LDLRAD3: variants seen among roughly 807,000 people sequenced by gnomAD.
LDLRAD3 encodes low density lipoprotein receptor class A domain containing 3, also known as low-density lipoprotein receptor class A domain-containing protein 3.
LDLRAD3 carries 20 observed loss-of-function variants against 29.4 expected under a neutral mutation model. That is an observed-to-expected ratio of 0.68 (90% CI 0.48 to 0.99). LDLRAD3 has a LOEUF of 0.99. Among genes scored for constraint, LDLRAD3 ranks in the 50% least tolerant of loss-of-function variants. The probability of loss-of-function intolerance (pLI) is 0.00; values close to 1 mark genes in which losing one functional copy is unlikely to be tolerated. For missense variants in LDLRAD3, 420 were observed against 454.3 expected, an observed-to-expected ratio of 0.92 and a Z score of 0.69; for synonymous variants, 157 against 192.7, an observed-to-expected ratio of 0.81 and a Z score of 1.53.
At chr11:36,063,699 G>T (rs1852742811) in intron 2 of LDLRAD3, among the ~76,000 whole-genome samples, 2 of 152,122 alleles carry the variant, frequency 1.3e-5, no homozygotes, top group South Asian at 2.1e-4. Flanking sequence ...TGGCACTCTT[G>T]TCAAAAATCA....
intron 1 of LDLRAD3, among the ~76,000 whole-genome samples, chr11:36,030,350 G>A (rs907886458): frequency 2.0e-5 from 3 of 152,168 alleles, no homozygotes; most frequent in East Asian, 1.9e-4. Context: ...ACCTAGAGTC[G>A]AGGAGGTCTT....
At chr11:36,204,447 T>C (rs1855175857) in intron 4 of LDLRAD3, among the ~76,000 whole-genome samples, 1 of 152,042 alleles carries the variant, frequency 6.6e-6, no homozygotes, top group South Asian at 2.1e-4. Context: ...ACTCGTGCTC[T>C]TCTTTGGCAT....
intron 1 of LDLRAD3, among the ~76,000 whole-genome samples, chr11:36,029,598 G>A (rs978325659): frequency 2.6e-5 from 4 of 152,176 alleles, no homozygotes; most frequent in African/African-American, 9.7e-5. Context: ...CTAAAAAAAT[G>A]TAAGTAGCAG....
intron 2 of LDLRAD3, among the ~76,000 whole-genome samples, chr11:36,073,294 G>A (rs1285653827): frequency 1.3e-5 from 2 of 152,226 alleles, no homozygotes; most frequent in Non-Finnish European, 2.9e-5. Context: ...TCCTGCTAAT[G>A]AAAGCTGCCG....
At chr11:35,995,535 G>C (rs1485697780) in intron 1 of LDLRAD3, among the ~76,000 whole-genome samples, 7 of 152,192 alleles carry the variant, frequency 4.6e-5, no homozygotes, top group Admixed American at 1.3e-4. Context: ...ATTCACTTCA[G>C]CTTGAAGTCA....
chr11:36,080,524 C>T (rs191813380), intron 2 of LDLRAD3, among the ~76,000 whole-genome samples: 17 of 152,252 alleles, frequency 1.1e-4, no homozygotes, highest in Admixed American at 5.2e-4. Flanking sequence ...GGGCCTCACC[C>T]GGTGCTTGAT....
intron 4 of LDLRAD3, among the ~76,000 whole-genome samples, chr11:36,144,028 G>T (rs1243607970): frequency 6.7e-6 from 1 of 150,082 alleles, no homozygotes; most frequent in Non-Finnish European, 1.5e-5. Context: ...CAACCTCCCT[G>T]CCTGATTCTC....
intron 1 of LDLRAD3, among the ~76,000 whole-genome samples, chr11:36,003,730 T>A (rs1472444286): frequency 1.3e-5 from 2 of 152,142 alleles, no homozygotes; most frequent in Non-Finnish European, 2.9e-5. Context: ...CACATTGCTA[T>A]AAAGAACCAC....
intron 2 of LDLRAD3, among the ~76,000 whole-genome samples, chr11:36,054,840 A>AATGGATGGATGGATGG (rs201580069): frequency 0.046 from 6,198 of 133,630 alleles, 194 homozygotes; most frequent in East Asian, 0.098. Flanking sequence ...TGGATGGATG[A>AATGGATGGATGGATGG]ATGGATGGAT....
At chr11:36,127,330 A>G (rs951143520) in intron 4 of LDLRAD3, among the ~76,000 whole-genome samples, 2 of 152,370 alleles carry the variant, frequency 1.3e-5, no homozygotes, top group South Asian at 2.1e-4. Flanking sequence ...AAGTTACACA[A>G]TAAAACAGTA....
intron 1 of LDLRAD3, among the ~76,000 whole-genome samples, chr11:35,947,570 G>A (rs75505895): frequency 0.034 from 5,117 of 151,996 alleles, 175 homozygotes; most frequent in Admixed American, 0.1. Flanking sequence ...GGAAAGAGAG[G>A]GAACCCACTA....
intron 2 of LDLRAD3, among the ~76,000 whole-genome samples, chr11:36,057,944 G>T (rs1317305574): frequency 1.3e-5 from 2 of 152,154 alleles, no homozygotes; most frequent in Non-Finnish European, 2.9e-5. Flanking sequence ...TCTTTAGGTT[G>T]CAGTTTTCTC....
chr11:36,160,635 T>A (rs1287599268), intron 4 of LDLRAD3, among the ~76,000 whole-genome samples: 1 of 152,080 alleles, frequency 6.6e-6, no homozygotes, highest in Non-Finnish European at 1.5e-5. Context: ...AATAAAATAA[T>A]GCTGTCTGGT....
intron 4 of LDLRAD3, among the ~76,000 whole-genome samples, chr11:36,167,175 T>G (rs1311662115): frequency 6.6e-6 from 1 of 151,774 alleles, no homozygotes; most frequent in Non-Finnish European, 1.5e-5. Flanking sequence ...AAGAGAAGAG[T>G]AGATGTTGCA....
chr11:36,208,195 C>A (rs190730108), intron 4 of LDLRAD3, among the ~76,000 whole-genome samples: 2 of 152,148 alleles, frequency 1.3e-5, no homozygotes, highest in Admixed American at 1.3e-4. Flanking sequence ...GGGAGCCAAC[C>A]TGAAAGTGTT....
chr11:36,153,404 G>A (rs1043836923), intron 4 of LDLRAD3, among the ~76,000 whole-genome samples: 1 of 152,132 alleles, frequency 6.6e-6, no homozygotes, highest in Non-Finnish European at 1.5e-5. Flanking sequence ...CTGAGCACTG[G>A]CTGGCTCTGG....
At chr11:36,170,721 C>T (rs957876640) in intron 4 of LDLRAD3, among the ~76,000 whole-genome samples, 6 of 151,798 alleles carry the variant, frequency 4.0e-5, no homozygotes, top group African/African-American at 1.2e-4. Context: ...GGTGGAATCA[C>T]ATTGTGGTTT....
chr11:36,155,539 C>T (rs937566954), intron 4 of LDLRAD3, among the ~76,000 whole-genome samples: 1 of 152,174 alleles, frequency 6.6e-6, no homozygotes, highest in Non-Finnish European at 1.5e-5. Flanking sequence ...TGTGTTATTT[C>T]CCAGCTGTGT....
intron 1 of LDLRAD3, among the ~76,000 whole-genome samples, chr11:35,975,458 A>G (rs2133151298): frequency 6.6e-6 from 1 of 152,302 alleles, no homozygotes; most frequent in East Asian, 1.9e-4. Flanking sequence ...AGAAGGATGG[A>G]AATTCTGGCA....
Sources: allele counts gnomAD v4.1 joint callset (sites outside exome capture counted in the v4.1 genomes callset), GRCh38; gene constraint gnomAD v4.1.1; transcripts MANE v1.5; gene names NCBI Gene and HGNC (gene_info 2026-07-23, HGNC 2026-07-21).